Variants in KIAA1328 observed in about 807,000 individuals in gnomAD.
The protein encoded by KIAA1328 is KIAA1328, also known as protein hinderin.
Under a neutral mutation model 68.1 loss-of-function variants are expected in KIAA1328, and 52 were observed. That is an observed-to-expected ratio of 0.76 (90% CI 0.61 to 0.96). KIAA1328 has a LOEUF of 0.96. KIAA1328 is among the 40% of genes least tolerant of loss of function. KIAA1328 has a pLI of 0.00. For synonymous variants in KIAA1328, 232 were observed against 239.4 expected (o/e 0.97, Z 0.28); for missense variants, 641 against 677.6 (o/e 0.95, Z 0.60).
chr18:37,152,281 G>A (rs751938206), intron 7 of KIAA1328, among the ~76,000 whole-genome samples: 1 of 152,042 alleles, frequency 6.6e-6, no homozygotes, highest in East Asian at 1.9e-4. Flanking sequence ...CGAGACAAAG[G>A]TAAAGGACTT....
intron 9 of KIAA1328, among the ~76,000 whole-genome samples, chr18:37,213,645 C>A (rs998763391): frequency 6.6e-6 from 1 of 152,112 alleles, no homozygotes; most frequent in Non-Finnish European, 1.5e-5. Context: ...ATGATTTATA[C>A]TCCTTTGGGT....
At chr18:37,003,041 T>C (rs2053648121) in intron 6 of KIAA1328, among the ~76,000 whole-genome samples, 1 of 151,792 alleles carries the variant, frequency 6.6e-6, no homozygotes, top group African/African-American at 2.4e-5. Context: ...CTTATTAGTA[T>C]CAGCCAAGTA....
chr18:36,972,831 G>A (rs2052285098), intron 6 of KIAA1328, among the ~76,000 whole-genome samples: 1 of 152,004 alleles, frequency 6.6e-6, no homozygotes, highest in Admixed American at 6.6e-5. Flanking sequence ...TATACCTGAG[G>A]GCCATTGGTG....
intron 6 of KIAA1328, among the ~76,000 whole-genome samples, chr18:37,064,391 C>A (rs1262953571): frequency 1.3e-5 from 2 of 152,196 alleles, no homozygotes; most frequent in East Asian, 3.9e-4. Flanking sequence ...GCAACTATTG[C>A]GAAATAAATT....
chr18:36,901,752 C>A (rs2049046435), intron 5 of KIAA1328, among the ~76,000 whole-genome samples: 1 of 151,848 alleles, frequency 6.6e-6, no homozygotes, highest in Admixed American at 6.6e-5. Flanking sequence ...AGTTCCTGCC[C>A]CAAATTACTT....
intron 6 of KIAA1328, among the ~76,000 whole-genome samples, chr18:36,975,340 G>A (rs1268185695): frequency 2.0e-5 from 3 of 151,824 alleles, no homozygotes; most frequent in African/African-American, 4.8e-5. Context: ...CCGCCACTAC[G>A]CCTGGCTAAT....
intron 7 of KIAA1328, among the ~76,000 whole-genome samples, chr18:37,082,066 TCTTGGCTTGGTATATTA>T (rs1163772746): frequency 2.0e-5 from 3 of 152,274 alleles, no homozygotes; most frequent in Middle Eastern, 3.4e-3. Flanking sequence ...CAAGACTTGA[TCTTGGCTTGGTATATTA>T]CACATAATCT....
In KIAA1328 at chr18:37,223,248, C is replaced by T. The variant is rs2060596400; in HGVS notation, c.*1021C>T. ...TGCTCTGCTCGTGGCCCCAAAGAAC[C>T]ATCTCTACTTGCCAGAGTATGTTCC... On this transcript the variant is annotated 3_prime_UTR_variant, in exon 10 of 10. Coordinates refer to ENST00000280020, the MANE Select transcript of KIAA1328 (RefSeq NM_020776.3). The T allele has an allele frequency of 1.0e-6, 1 of 985,344 alleles. No individual in the cohort carries two copies. The highest frequency in any genetic ancestry group is 1.7e-5 in the African/African-American group (1 of 57,296). 61.0% of individuals were successfully genotyped at this position (985,344 alleles called of 1,614,324 possible). A position where few individuals can be genotyped will look rare whatever the true frequency, so the allele number is the denominator to read the frequency against.
intron 7 of KIAA1328, among the ~76,000 whole-genome samples, chr18:37,107,917 T>C (rs2057819744): frequency 6.6e-6 from 1 of 151,420 alleles, no homozygotes; most frequent in African/African-American, 2.4e-5. Context: ...GGAACACATG[T>C]ACACTGTTAG....
intron 6 of KIAA1328, among the ~76,000 whole-genome samples, chr18:36,998,392 C>T (rs1484296662): frequency 6.6e-6 from 1 of 152,216 alleles, no homozygotes; most frequent in Non-Finnish European, 1.5e-5. Flanking sequence ...GCCACTGCTG[C>T]TGCAATCACC....
At chr18:37,195,582 G>T (rs905268623) in intron 9 of KIAA1328, among the ~76,000 whole-genome samples, 5 of 152,070 alleles carry the variant, frequency 3.3e-5, no homozygotes, top group Non-Finnish European at 7.4e-5. Flanking sequence ...TATTCTTGAT[G>T]CCCTTGTCTA....
At chr18:37,116,055 A>G (rs1213284257) in intron 7 of KIAA1328, among the ~76,000 whole-genome samples, 1 of 152,200 alleles carries the variant, frequency 6.6e-6, no homozygotes, top group Non-Finnish European at 1.5e-5. Context: ...TGGGCAGGAA[A>G]AATCAATATC....
At chr18:37,028,153 G>A (rs1376078584) in intron 6 of KIAA1328, among the ~76,000 whole-genome samples, 7 of 152,174 alleles carry the variant, frequency 4.6e-5, no homozygotes, top group Non-Finnish European at 1.0e-4. Context: ...GTGAGAACAT[G>A]TGGTATTTGG....
intron 9 of KIAA1328, among the ~76,000 whole-genome samples, chr18:37,218,784 G>C (rs552314797): frequency 6.6e-6 from 1 of 152,252 alleles, no homozygotes; most frequent in South Asian, 2.1e-4. Context: ...GGAGAATTTT[G>C]TTATTTCCAA....
intron 4 of KIAA1328, among the ~76,000 whole-genome samples, chr18:36,878,927 C>G (rs1254005183): frequency 6.6e-6 from 1 of 152,148 alleles, no homozygotes; most frequent in East Asian, 1.9e-4. Context: ...AACCTTTTAT[C>G]AAGGTTCTTA....
chr18:37,216,353 T>C (rs2060432970), intron 9 of KIAA1328, among the ~76,000 whole-genome samples: 1 of 152,242 alleles, frequency 6.6e-6, no homozygotes, highest in South Asian at 2.1e-4. Flanking sequence ...ATGTCTTTGT[T>C]CTCGTTGGTT....
intron 6 of KIAA1328, among the ~76,000 whole-genome samples, chr18:36,969,468 C>T (rs1456719980): frequency 2.0e-5 from 3 of 151,966 alleles, no homozygotes. Context: ...TATCACTGAC[C>T]CCACAGAAAT....
intron 6 of KIAA1328, among the ~76,000 whole-genome samples, chr18:37,042,297 C>T (rs1459042091): frequency 3.3e-5 from 5 of 152,168 alleles, no homozygotes; most frequent in Non-Finnish European, 7.3e-5. Context: ...CCTTTACCTA[C>T]AAGATGATCT....
At chr18:36,881,450 TAAAA>T (rs1300899697) in intron 4 of KIAA1328, among the ~76,000 whole-genome samples, 1 of 146,034 alleles carries the variant, frequency 6.8e-6, no homozygotes, top group African/African-American at 2.8e-5. Context: ...AAACTTTACT[TAAAA>T]AGAAAGAAGA....
Sources: gnomAD v4.1 joint callset for allele counts (sites outside exome capture counted in the v4.1 genomes callset) on GRCh38, gnomAD v4.1.1 for gene constraint, MANE v1.5 for transcripts, NCBI Gene and HGNC (gene_info 2026-07-23, HGNC 2026-07-21) for gene names.